Variants in NFAM1 observed in about 807,000 individuals in gnomAD.
The protein encoded by NFAM1 is NFAT activating protein with ITAM motif 1, also known as NFAT activation molecule 1.
Under a neutral mutation model 29.0 loss-of-function variants are expected in NFAM1, and 17 were observed. The observed-to-expected ratio is 0.59, with a 90% CI of 0.40 to 0.88. NFAM1 has a LOEUF of 0.88. NFAM1 is among the 40% of genes least tolerant of loss of function. The pLI is 0.00. For synonymous variants in NFAM1, 175 were observed against 147.2 expected (o/e 1.19, Z -1.36); for missense variants, 324 against 344.6 (o/e 0.94, Z 0.47).
rs1163269309 is a variant in NFAM1 at position 42,387,083 on chromosome 22, A to C, written c.664-5T>G. The C allele has an allele frequency of 6.4e-7, 1 of 1,558,674 alleles. No individual in the cohort carries two copies. The highest frequency in any genetic ancestry group is 2.4e-5 in the East Asian group (1 of 41,486). ...GGTCTCGCGGCGCTGCAGAGCCTAC[A>C]GGAAACGGGGTGCCAGGATCAGGGG... On this transcript the variant is annotated splice_region_variant and splice_polypyrimidine_tract_variant and intron_variant, in intron 4 of 5. Transcript: ENST00000329021.
rs1336300955 is a variant in NFAM1 at position 42,382,360 on chromosome 22, CTGTCTTGACTGTCACTGCAAA to C, written c.*2780_*2800del. ...CATAAGCCACTACGCCTGGCCTGAG[CTGTCTTGACTGTCACTGCAAA>C]CTGAGGCTCAGGTGGCCAGTGACTT... is the stretch of plus-strand genomic sequence containing the variant. On this transcript the variant is annotated 3_prime_UTR_variant, in exon 6 of 6. Transcript: ENST00000329021. 2.0e-5 allele frequency: 3 copies of C among 152,160 alleles called. No homozygotes were observed. The highest frequency in any genetic ancestry group is 7.2e-5 in the African/African-American group (3 of 41,422). The allele number at this position is 152,160 out of a possible 1,614,324, so 9.4% of individuals were successfully genotyped here. A position where few individuals can be genotyped will look rare whatever the true frequency, so the allele number is the denominator to read the frequency against.
chr22:42,398,382 T>TTTATTTA lies in NFAM1; in HGVS notation c.565-427_565-426insTAAATAA, dbSNP rs1555969649. ...AGTTCCCCTCTGGGCCTTGGTTTTATTTATTATTATTATTATTATTATTAT... is the reference window on the plus strand; with the variant it reads ...AGTTCCCCTCTGGGCCTTGGTTTTATTTATTTATTATTATTATTATTATTATTATTAT... On this transcript the variant is annotated intron_variant, in intron 3 of 5. Transcript: ENST00000329021. Among the ~76,000 whole-genome samples, 5 of 125,440 alleles carry TTTATTTA rather than the reference T, an allele frequency of 4.0e-5. No homozygotes were observed. In the East Asian group the frequency reaches 8.2e-4, roughly 21 times the overall value. 82.3% of individuals were successfully genotyped at this position (125,440 alleles called of 152,430 possible). A position where few individuals can be genotyped will look rare whatever the true frequency, so the allele number is the denominator to read the frequency against.
rs13054954 is a variant in NFAM1 at position 42,419,992 on chromosome 22, T to G, written c.122-8256A>C. ...TTGAGTCTGTAATCCCACTCTTGGT[T>G]TTTTTTTTTTTTTTTTTTTTTTTTT... On this transcript the variant is annotated intron_variant, in intron 1 of 5. Transcript: ENST00000329021. This position sits in a 1 kb window ranked among gnomAD's most constrained non-coding sequence, Gnocchi z 4.5. Among the ~76,000 whole-genome samples, 3,542 of 15,510 alleles carry G rather than the reference T, an allele frequency of 0.23. 1,603 individuals carry two copies. The highest frequency in any genetic ancestry group is 0.63 in the African/African-American group (1,322 of 2,082). The allele number at this position is 15,510 out of a possible 152,430, so 10.2% of individuals were successfully genotyped here.
At chr22:42,394,938 T>C (rs1263928233) in intron 4 of NFAM1, among the ~76,000 whole-genome samples, 1 of 151,078 alleles carries the variant, frequency 6.6e-6, no homozygotes, top group East Asian at 2.0e-4. Flanking sequence ...GGCAATATAG[T>C]GAGACCTTGT....
intron 3 of NFAM1, among the ~76,000 whole-genome samples, chr22:42,402,483 G>A (rs1018573679): frequency 4.6e-5 from 7 of 152,180 alleles, no homozygotes; most frequent in African/African-American, 1.7e-4. Context: ...TCGGAGGAAG[G>A]GGCCCGGGAT....
Position 42,385,194 on chromosome 22 carries a change from A to G in NFAM1, c.780T>C (p.Asp260=), listed in dbSNP as rs139572633. The change falls in exon 6 of 6, where the codon GAT becomes GAC. Residue 260 remains aspartate, a synonymous_variant. Transcript: ENST00000329021. ...SQERPHRFED[D]GELNLVYENL ...TTTCATAGACCAGGTTAAGTTCGCC[A>G]TCATCTTCGAATCTATGCGGTCTCT... is the stretch of plus-strand genomic sequence containing the variant. 410 of 1,612,882 alleles carry G rather than the reference A, an allele frequency of 2.5e-4. 4 individuals carry two copies. The African/African-American group carries it at 4.9e-3, about 19-fold the overall frequency.
At chr22:42,416,697 C>T (rs569387746) in intron 1 of NFAM1, among the ~76,000 whole-genome samples, 1 of 152,156 alleles carries the variant, frequency 6.6e-6, no homozygotes, top group African/African-American at 2.4e-5. Flanking sequence ...GGGGCTTTAG[C>T]GGGACCCTGG....
intron 1 of NFAM1, among the ~76,000 whole-genome samples, chr22:42,413,663 T>G (rs1473631314): frequency 6.6e-6 from 1 of 152,084 alleles, no homozygotes; most frequent in Non-Finnish European, 1.5e-5. Context: ...GGCTCAGGCC[T>G]GTTGTCCTGT....
In NFAM1 at chr22:42,419,086, CG is replaced by C. The variant is rs1416311688; in HGVS notation, c.122-7351del. Among the ~76,000 whole-genome samples the C allele has an allele frequency of 1.3e-5, 2 of 152,206 alleles. No individual in the cohort carries two copies. The highest frequency in any genetic ancestry group is 2.9e-5 in the Non-Finnish European group (2 of 68,038). ...AGTTGCTATCCTCCCACACCTGGCG[CG>C]GGGACCACATGCCGAGTGAGTCCCT... On this transcript the variant is annotated intron_variant, in intron 1 of 5. Coordinates refer to ENST00000329021, the MANE Select transcript of NFAM1 (RefSeq NM_145912.8). The surrounding 1 kb of genome is among the most constrained non-coding windows in gnomAD (Gnocchi z 4.5).
At chr22:42,405,008 T>G (rs2147103119) in intron 3 of NFAM1, among the ~76,000 whole-genome samples, 1 of 152,210 alleles carries the variant, frequency 6.6e-6, no homozygotes, top group South Asian at 2.1e-4. Context: ...CTTAGCCTAG[T>G]GATGGCACAC....
chr22:42,397,798 A>T, intron 4 of NFAM1, 60 bp downstream of exon 4: 1 of 947,006 alleles, frequency 1.1e-6, no homozygotes, highest in Non-Finnish European at 1.7e-6. Flanking sequence ...ACCCTGGTAC[A>T]AGACAGACTC....
intron 3 of NFAM1, among the ~76,000 whole-genome samples, chr22:42,408,160 C>CT (rs1315364205): frequency 6.6e-5 from 10 of 152,232 alleles, no homozygotes; most frequent in Non-Finnish European, 1.3e-4. Flanking sequence ...TCCCAAAGTG[C>CT]TGGTATTACA....
At chr22:42,389,996 G>C (rs1338154082) in intron 4 of NFAM1, among the ~76,000 whole-genome samples, 2 of 152,172 alleles carry the variant, frequency 1.3e-5, no homozygotes, top group South Asian at 2.1e-4. Flanking sequence ...AGTGGAAATG[G>C]GGAGCCCCTG....
At chr22:42,435,891 C>T (rs980355101), upstream of NFAM1, among the ~76,000 whole-genome samples, 3 of 149,480 alleles carry the variant, frequency 2.0e-5, no homozygotes, top group Non-Finnish European at 4.4e-5. Flanking sequence ...ATGATCTCAG[C>T]TCACTGAAAT....
At position 42,411,654 on chromosome 22, in the gene NFAM1, G is replaced by T. The variant is rs752859366; in HGVS notation, c.204C>A (p.Thr68=). The change falls in exon 2 of 6, where the codon ACC becomes ACA. Residue 68 remains threonine, a synonymous_variant. Transcript: ENST00000329021. ...CCTTGAATTGGGGAGTGTATGGATA[G>T]GTGATCCTGCAGCTGAAGGAGATAG... The part of the protein sequence containing the change: ...NTAISFSCRI[T]YPYTPQFKVF... 3.1e-6 allele frequency: 5 copies of T among 1,614,062 alleles called. No homozygotes were observed. The South Asian group carries it at 5.5e-5, about 18-fold the overall frequency.
intron 3 of NFAM1, among the ~76,000 whole-genome samples, chr22:42,399,265 G>A (rs1183815446): frequency 6.6e-6 from 1 of 151,792 alleles, no homozygotes; most frequent in Non-Finnish European, 1.5e-5. Flanking sequence ...TGGCCAACAT[G>A]GCAACACCCC....
At chr22:42,389,918 T>C (rs1331111919) in intron 4 of NFAM1, among the ~76,000 whole-genome samples, 1 of 152,026 alleles carries the variant, frequency 6.6e-6, no homozygotes, top group Non-Finnish European at 1.5e-5. Context: ...GGGTGATGGG[T>C]GAGATCTGGG....
At chr22:42,427,215 G>A (rs1286341007) in intron 1 of NFAM1, among the ~76,000 whole-genome samples, 1 of 152,152 alleles carries the variant, frequency 6.6e-6, no homozygotes, top group Non-Finnish European at 1.5e-5. Context: ...AGATCCACAA[G>A]GAGCAAGCAG....
intron 4 of NFAM1, among the ~76,000 whole-genome samples, chr22:42,395,493 A>G (rs966839127): frequency 6.6e-6 from 1 of 151,314 alleles, no homozygotes; most frequent in Non-Finnish European, 1.5e-5. Flanking sequence ...AAATAATAAT[A>G]AATATAAATA....
Sources: allele counts gnomAD v4.1 joint callset (sites outside exome capture counted in the v4.1 genomes callset), GRCh38; gene constraint gnomAD v4.1.1; non-coding constraint Gnocchi (gnomAD v3.1); transcripts MANE v1.5; gene names NCBI Gene and HGNC (gene_info 2026-07-23, HGNC 2026-07-21).